The following SPAG9 variants were observed in gnomAD, a reference collection of about 807,000 sequenced individuals.
The protein encoded by SPAG9 is C-Jun-amino-terminal kinase-interacting protein 4.
A neutral mutation model predicts 166.5 loss-of-function variants in SPAG9; 35 were observed. The observed-to-expected ratio is 0.21, with a 90% CI of 0.16 to 0.28. The LOEUF (loss-of-function observed/expected upper bound fraction) is 0.28, where lower values mean the gene tolerates loss of function less well. Ranked by LOEUF, SPAG9 falls within the 10% of genes least tolerant of loss-of-function variation. The pLI, the probability that SPAG9 is intolerant of heterozygous loss-of-function variation, is 1.00. For synonymous variants in SPAG9, 534 were observed against 565.5 expected (o/e 0.94, Z 0.79); for missense variants, 1,235 against 1,603.3 (o/e 0.77, Z 3.92).
intron 27 of SPAG9, chr17:50,975,729 A>C: frequency 1.6e-6 from 1 of 606,496 alleles, no homozygotes; most frequent in Non-Finnish European, 2.9e-6. Flanking sequence ...AAAAAAAGAC[A>C]CCTGCTGCGA....
At chr17:51,100,023 C>G (rs1334728724) in intron 1 of SPAG9, among the ~76,000 whole-genome samples, 1 of 152,092 alleles carries the variant, frequency 6.6e-6, no homozygotes, top group East Asian at 1.9e-4. Flanking sequence ...TCACTTGAAC[C>G]TGGGAGGCGG....
chr17:51,004,932 C>T (rs1294812618), intron 12 of SPAG9, among the ~76,000 whole-genome samples: 1 of 151,948 alleles, frequency 6.6e-6, no homozygotes, highest in Admixed American at 6.6e-5. Flanking sequence ...TAACAACAAC[C>T]AAAAACCCCA....
At chr17:51,071,083 A>C (rs560705827) in intron 2 of SPAG9, among the ~76,000 whole-genome samples, 3 of 152,170 alleles carry the variant, frequency 2.0e-5, no homozygotes, top group Non-Finnish European at 4.4e-5. Flanking sequence ...CCCCCACTAA[A>C]CTATGATTTC....
intron 3 of SPAG9, among the ~76,000 whole-genome samples, chr17:51,050,088 T>A (rs1052403167): frequency 6.6e-6 from 1 of 152,154 alleles, no homozygotes; most frequent in East Asian, 1.9e-4. Context: ...TCTCCCCCAA[T>A]AGCCATTCTA....
intron 1 of SPAG9, among the ~76,000 whole-genome samples, chr17:51,099,449 A>G (rs1043579248): frequency 1.3e-5 from 2 of 151,448 alleles, no homozygotes; most frequent in African/African-American, 4.8e-5. Context: ...AAAAAAAAAA[A>G]AAGGAAAAAA....
intron 3 of SPAG9, among the ~76,000 whole-genome samples, chr17:51,049,731 G>A (rs1048509625): frequency 2.0e-5 from 3 of 151,978 alleles, no homozygotes; most frequent in Admixed American, 6.6e-5. Flanking sequence ...CAAGTAGCTG[G>A]GTACTACAGG....
chr17:51,030,358 TAA>T (rs2046337604), intron 6 of SPAG9, among the ~76,000 whole-genome samples: 1 of 152,220 alleles, frequency 6.6e-6, no homozygotes, highest in Non-Finnish European at 1.5e-5. Context: ...CTCTGCTACC[TAA>T]GTTTGTCTCT....
At chr17:51,058,505 C>T (rs1303710362) in intron 2 of SPAG9, among the ~76,000 whole-genome samples, 1 of 152,164 alleles carries the variant, frequency 6.6e-6, no homozygotes, top group East Asian at 1.9e-4. Flanking sequence ...TCTTAATTAC[C>T]ATGCTATACT....
chr17:50,996,752 A>C (rs1039437577), intron 15 of SPAG9, 58 bp from the exon 16 acceptor site: 1 of 1,557,422 alleles, frequency 6.4e-7, no homozygotes, highest in African/African-American at 1.4e-5. Flanking sequence ...GTTTATCCCC[A>C]GTTTTATCTC....
chr17:50,973,137 G>C (rs1053068262), intron 28 of SPAG9, among the ~76,000 whole-genome samples: 4 of 152,192 alleles, frequency 2.6e-5, no homozygotes, highest in Non-Finnish European at 4.4e-5. Flanking sequence ...CAAAAAATGA[G>C]AAGCAAGTTG....
chr17:51,001,256 A>T (rs1236120536), intron 13 of SPAG9, among the ~76,000 whole-genome samples: 1 of 152,232 alleles, frequency 6.6e-6, no homozygotes, highest in Non-Finnish European at 1.5e-5. Context: ...GCATTGGGTG[A>T]GATTTAAGAG....
chr17:51,069,508 T>C, intron 2 of SPAG9, among the ~76,000 whole-genome samples: 1 of 152,138 alleles, frequency 6.6e-6, no homozygotes, highest in East Asian at 1.9e-4. Context: ...TTTAAAATGG[T>C]TTATGTGCTG....
intron 24 of SPAG9, among the ~76,000 whole-genome samples, chr17:50,984,264 C>A (rs759818508): frequency 6.6e-6 from 1 of 152,064 alleles, no homozygotes; most frequent in African/African-American, 2.4e-5. Context: ...AATTAAAATT[C>A]TTTAAGAAAA....
chr17:51,079,551 T>C (rs1329164896), intron 2 of SPAG9, 33 bp downstream of exon 2: 4 of 1,607,260 alleles, frequency 2.5e-6, no homozygotes, highest in East Asian at 4.5e-5. Flanking sequence ...GCCCAATCTT[T>C]AGTGTACTTA....
chr17:51,115,559 G>A (rs1162073189), intron 1 of SPAG9, among the ~76,000 whole-genome samples: 1 of 151,968 alleles, frequency 6.6e-6, no homozygotes, highest in Non-Finnish European at 1.5e-5. Flanking sequence ...AGCCAGGCGC[G>A]GTGGTTCACA....
chr17:51,071,325 A>G (rs2047814486), intron 2 of SPAG9, among the ~76,000 whole-genome samples: 1 of 152,232 alleles, frequency 6.6e-6, no homozygotes, highest in African/African-American at 2.4e-5. Flanking sequence ...TATGAATGGC[A>G]AAGTTGATTA....
rs531563649 is a variant in SPAG9 at position 51,046,770 on chromosome 17, T to C, written c.590+605A>G. 160 of 1,534,924 alleles carry C rather than the reference T, an allele frequency of 1.0e-4. No homozygotes were observed. In the South Asian group the frequency reaches 1.1e-3, roughly 11 times the overall value. On this transcript the variant is annotated intron_variant, in intron 4 of 29. Coordinates refer to ENST00000262013, the MANE Select transcript of SPAG9 (RefSeq NM_001130528.3). Reference sequence around the variant, plus strand: ...ATTCAGCTTGCTGCCACAAAAACAATGCCATCAGCAGCAGCTTTCCACTCC... The same window carrying C: ...ATTCAGCTTGCTGCCACAAAAACAACGCCATCAGCAGCAGCTTTCCACTCC...
intron 1 of SPAG9, among the ~76,000 whole-genome samples, chr17:51,104,354 A>G (rs550233862): frequency 1.3e-5 from 2 of 152,276 alleles, no homozygotes; most frequent in East Asian, 3.9e-4. Flanking sequence ...AGTATCTGTA[A>G]GGCCAGGCGT....
intron 1 of SPAG9, among the ~76,000 whole-genome samples, chr17:51,094,204 T>A (rs1198810170): frequency 1.3e-5 from 2 of 152,176 alleles, no homozygotes; most frequent in African/African-American, 2.4e-5. Flanking sequence ...GTAAACTGTA[T>A]CCAGGCACAC....
Sources: gnomAD v4.1 joint callset for allele counts (sites outside exome capture counted in the v4.1 genomes callset) on GRCh38, gnomAD v4.1.1 for gene constraint, MANE v1.5 for transcripts, NCBI Gene and HGNC (gene_info 2026-07-23, HGNC 2026-07-21) for gene names.